The following CEP85L variants were observed in gnomAD, a reference collection of about 807,000 sequenced individuals.
CEP85L encodes centrosomal protein of 85 kDa-like.
CEP85L carries 60 observed loss-of-function variants against 100.3 expected under a neutral mutation model. The ratio of observed to expected loss-of-function variants is 0.60; its 90% CI spans 0.49 to 0.74. The LOEUF (loss-of-function observed/expected upper bound fraction) is 0.74, where lower values mean the gene tolerates loss of function less well. Ranked by LOEUF, CEP85L falls within the 30% of genes least tolerant of loss-of-function variation. The probability of loss-of-function intolerance (pLI) is 0.00; values close to 1 mark genes in which losing one functional copy is unlikely to be tolerated. For synonymous variants in CEP85L, 319 were observed against 322.7 expected (o/e 0.99, Z 0.12); for missense variants, 973 against 936.2 (o/e 1.04, Z -0.51).
At chr6:118,511,734 T>C (rs1775983421) in intron 4 of CEP85L, among the ~76,000 whole-genome samples, 1 of 152,112 alleles carries the variant, frequency 6.6e-6, no homozygotes, top group African/African-American at 2.4e-5. Flanking sequence ...ATAATAAAGA[T>C]AGTATGAGTA....
At chr6:118,695,101 G>A (rs912333205) in intron 1 of CEP85L, among the ~76,000 whole-genome samples, 3 of 152,034 alleles carry the variant, frequency 2.0e-5, no homozygotes, top group African/African-American at 4.8e-5. Context: ...CTCTATAGAC[G>A]TGATCAATCA....
chr6:118,675,502 T>TA (rs1458476769), intron 1 of CEP85L, among the ~76,000 whole-genome samples: 8 of 151,948 alleles, frequency 5.3e-5, no homozygotes. Context: ...TATGGTATCT[T>TA]AAAAAACTAT....
At chr6:118,517,860 T>C (rs1409942012) in intron 4 of CEP85L, among the ~76,000 whole-genome samples, 1 of 152,228 alleles carries the variant, frequency 6.6e-6, no homozygotes, top group Admixed American at 6.5e-5. Context: ...CATTATGATA[T>C]TGGCGGTGGG....
chr6:118,545,649 A>C (rs924734501), intron 3 of CEP85L, among the ~76,000 whole-genome samples: 2 of 152,222 alleles, frequency 1.3e-5, no homozygotes, highest in African/African-American at 4.8e-5. Context: ...AAAACTATAT[A>C]AAAACAAAAG....
intron 2 of CEP85L, among the ~76,000 whole-genome samples, chr6:118,583,757 T>C (rs1161519574): frequency 6.6e-6 from 1 of 152,122 alleles, no homozygotes; most frequent in African/African-American, 2.4e-5. Flanking sequence ...TCAAACCCTG[T>C]AATAGCCCCT....
chr6:118,501,140 G>C (rs1775273549), intron 5 of CEP85L, among the ~76,000 whole-genome samples: 1 of 152,218 alleles, frequency 6.6e-6, no homozygotes, highest in African/African-American at 2.4e-5. Flanking sequence ...CTCAGTAACT[G>C]CTTTCCCTCC....
intron 1 of CEP85L, among the ~76,000 whole-genome samples, chr6:118,682,979 C>T (rs1442603132): frequency 6.6e-6 from 1 of 152,082 alleles, no homozygotes; most frequent in Non-Finnish European, 1.5e-5. Context: ...CAGAACAATG[C>T]CAAACCAGGA....
At chr6:118,678,945 A>G (rs1776563627) in intron 1 of CEP85L, among the ~76,000 whole-genome samples, 1 of 152,190 alleles carries the variant, frequency 6.6e-6, no homozygotes, top group Non-Finnish European at 1.5e-5. Flanking sequence ...AAATGAATGA[A>G]TGCATATTTC....
intron 2 of CEP85L, among the ~76,000 whole-genome samples, chr6:118,599,055 T>C (rs559360279): frequency 6.6e-6 from 1 of 152,348 alleles, no homozygotes; most frequent in East Asian, 1.9e-4. Context: ...TGTGTAATTA[T>C]AGGCTAATAT....
chr6:118,571,020 T>G (rs890228389), intron 2 of CEP85L, among the ~76,000 whole-genome samples: 2 of 151,966 alleles, frequency 1.3e-5, no homozygotes, highest in African/African-American at 4.8e-5. Flanking sequence ...GAATTAAAAT[T>G]TTTAAATTAA....
chr6:118,594,843 G>A (rs1411568951), intron 2 of CEP85L, among the ~76,000 whole-genome samples: 1 of 136,242 alleles, frequency 7.3e-6, no homozygotes, highest in Non-Finnish European at 1.5e-5. Flanking sequence ...GCGACACAGC[G>A]AGATTGTCTC....
chr6:118,525,376 C>T (rs902544010), intron 3 of CEP85L, among the ~76,000 whole-genome samples: 5 of 152,100 alleles, frequency 3.3e-5, no homozygotes, highest in African/African-American at 1.2e-4. Flanking sequence ...AGTTGAAGTC[C>T]TAACCTCTTG....
intron 3 of CEP85L, among the ~76,000 whole-genome samples, chr6:118,537,070 C>T (rs1245019328): frequency 1.3e-5 from 2 of 152,068 alleles, no homozygotes; most frequent in Admixed American, 6.6e-5. Context: ...TATCAAAATT[C>T]ACATATTGAT....
At chr6:118,537,580 T>G in intron 3 of CEP85L, 1 of 985,322 alleles carries the variant, frequency 1.0e-6, no homozygotes, top group Non-Finnish European at 1.2e-6. Context: ...AGCAGGCATC[T>G]ACAACAATCC....
intron 5 of CEP85L, among the ~76,000 whole-genome samples, chr6:118,506,178 C>G: frequency 6.6e-6 from 1 of 152,182 alleles, no homozygotes; most frequent in East Asian, 1.9e-4. Context: ...ATTAAAAACA[C>G]TCAATTCAAA....
Position 118,480,073 on chromosome 6 carries a change from AC to A in CEP85L, c.1864-153del, listed in dbSNP as rs201498067. 706 of 558,070 alleles carry A rather than the reference AC, an allele frequency of 1.3e-3. 4 individuals carry two copies. In the African/African-American group the frequency reaches 0.013, roughly 10 times the overall value. 34.6% of individuals were successfully genotyped at this position (558,070 alleles called of 1,614,324 possible). On this transcript the variant is annotated intron_variant, in intron 9 of 12. Coordinates refer to ENST00000368491, the MANE Select transcript of CEP85L (RefSeq NM_001042475.3). Reference sequence around the variant, plus strand: ...AAAGTATCCTTATGATTTGGGTCACACACGTATAAAACTACAAAAGTCTTCC... The same window carrying A: ...AAAGTATCCTTATGATTTGGGTCACAACGTATAAAACTACAAAAGTCTTCC...
chr6:118,510,619 G>A (rs1306596371), intron 5 of CEP85L, among the ~76,000 whole-genome samples: 1 of 152,136 alleles, frequency 6.6e-6, no homozygotes, highest in Non-Finnish European at 1.5e-5. Context: ...GAGTGGGACG[G>A]TGAGAGTTCT....
intron 5 of CEP85L, chr6:118,502,362 C>T: frequency 1.9e-6 from 1 of 538,700 alleles, no homozygotes; most frequent in Non-Finnish European, 3.5e-6. Flanking sequence ...CCAAGATTAC[C>T]CATATGTTAA....
At chr6:118,649,797 G>A (rs1775425584) in intron 1 of CEP85L, among the ~76,000 whole-genome samples, 1 of 151,868 alleles carries the variant, frequency 6.6e-6, no homozygotes, top group Non-Finnish European at 1.5e-5. Flanking sequence ...TTAAATTTCA[G>A]GATCAAACTT....
Sources: allele counts gnomAD v4.1 joint callset (sites outside exome capture counted in the v4.1 genomes callset), GRCh38; gene constraint gnomAD v4.1.1; transcripts MANE v1.5; gene names NCBI Gene and HGNC (gene_info 2026-07-23, HGNC 2026-07-21).